The following CSRNP3 variants were observed in gnomAD, a reference collection of about 807,000 sequenced individuals.
CSRNP3 encodes cysteine/serine-rich nuclear protein 3.
A neutral mutation model predicts 48.0 loss-of-function variants in CSRNP3; 12 were observed. The ratio of observed to expected loss-of-function variants is 0.25; its 90% CI spans 0.16 to 0.41. The LOEUF (loss-of-function observed/expected upper bound fraction) is 0.41. Among genes scored for constraint, CSRNP3 ranks in the 10% least tolerant of loss-of-function variants. CSRNP3 has a pLI of 1.00. For missense variants in CSRNP3, 580 were observed against 724.4 expected (o/e 0.80, Z 2.29); for synonymous variants, 263 against 269.7 (o/e 0.98, Z 0.24).
At chr2:165,482,416 A>G (rs1003580927) in intron 1 of CSRNP3, among the ~76,000 whole-genome samples, 9 of 151,980 alleles carry the variant, frequency 5.9e-5, no homozygotes, top group African/African-American at 2.2e-4. Context: ...GGCACGCCCC[A>G]CTACGCTGGG....
intron 2 of CSRNP3, among the ~76,000 whole-genome samples, chr2:165,516,516 A>G (rs1684584635): frequency 6.6e-6 from 1 of 152,222 alleles, no homozygotes; most frequent in Non-Finnish European, 1.5e-5. Context: ...TTAATTAGCT[A>G]GAATTAACTA....
chr2:165,611,487 A>G (rs1286731230), intron 4 of CSRNP3, among the ~76,000 whole-genome samples: 2 of 152,126 alleles, frequency 1.3e-5, no homozygotes, highest in South Asian at 2.1e-4. Context: ...TAAAAATTAT[A>G]AAACCAATTT....
At chr2:165,666,652 G>T (rs185969231) in intron 5 of CSRNP3, among the ~76,000 whole-genome samples, 1 of 89,962 alleles carries the variant, frequency 1.1e-5, no homozygotes, top group East Asian at 3.6e-4. Flanking sequence ...AGACAGAGAG[G>T]AAGAAAAGAG....
intron 2 of CSRNP3, among the ~76,000 whole-genome samples, chr2:165,515,832 G>T (rs575233167): frequency 1.5e-5 from 2 of 129,156 alleles, no homozygotes; most frequent in South Asian, 2.4e-4. Flanking sequence ...TTGAGACAGG[G>T]TCTTGCTCTG....
Position 165,634,012 on chromosome 2 carries a change from C to T in CSRNP3, c.149-23749C>T, listed in dbSNP as rs375890724. On this transcript the variant is annotated intron_variant, in intron 4 of 6. Coordinates refer to ENST00000651982, the MANE Select transcript of CSRNP3 (RefSeq NM_001172173.2). The stretch of plus-strand genomic sequence containing the variant: ...ACGCTATTAAACCAATTCATTTATT[C>T]TACAAATATTTATTCATAGACTATC... 3.9e-5 allele frequency among the ~76,000 whole-genome samples: 6 copies of T among 152,292 alleles called. No homozygotes were observed. The South Asian group carries it at 1.0e-3, about 26-fold the overall frequency.
intron 1 of CSRNP3, among the ~76,000 whole-genome samples, chr2:165,477,134 C>G (rs1683972570): frequency 6.6e-6 from 1 of 151,868 alleles, no homozygotes; most frequent in Admixed American, 6.6e-5. Context: ...ATAGGACCTT[C>G]AAAATATTAA....
intron 4 of CSRNP3, among the ~76,000 whole-genome samples, chr2:165,611,363 A>G (rs889847051): frequency 4.2e-4 from 44 of 104,774 alleles, no homozygotes; most frequent in Middle Eastern, 4.6e-3. Context: ...TTCACGATAT[A>G]TGTGTGTGTG....
intron 4 of CSRNP3, 119 bp downstream of exon 4, chr2:165,595,332 A>G (rs901298949): frequency 1.4e-5 from 13 of 939,892 alleles, no homozygotes; most frequent in Middle Eastern, 2.4e-4. Flanking sequence ...CCAAATACAA[A>G]GAACACTTAC....
chr2:165,574,202 G>C (rs1020788208), intron 3 of CSRNP3: 5 of 560,546 alleles, frequency 8.9e-6, no homozygotes, highest in Non-Finnish European at 1.6e-5. Flanking sequence ...GACTGCCTGA[G>C]CCTTATGCAA....
chr2:165,677,583 T>TA (rs34615804), intron 6 of CSRNP3, among the ~76,000 whole-genome samples: 17,442 of 144,664 alleles, frequency 0.12, 1,147 homozygotes, highest in African/African-American at 0.17. Flanking sequence ...GATTCATGAG[T>TA]AAAAAAAAAA....
At chr2:165,674,485 G>A (rs919081187) in intron 5 of CSRNP3, among the ~76,000 whole-genome samples, 9 of 151,472 alleles carry the variant, frequency 5.9e-5, no homozygotes, top group African/African-American at 1.9e-4. Context: ...GGCTATCACA[G>A]TTTAAACAAT....
At chr2:165,491,103 G>A (rs1684200578) in intron 1 of CSRNP3, among the ~76,000 whole-genome samples, 5 of 110,154 alleles carry the variant, frequency 4.5e-5, no homozygotes, top group African/African-American at 1.3e-4. Flanking sequence ...AAATTTACAA[G>A]AAAAAAACAA....
intron 3 of CSRNP3, among the ~76,000 whole-genome samples, chr2:165,577,751 A>G (rs1002495977): frequency 5.9e-5 from 9 of 151,766 alleles, no homozygotes; most frequent in Admixed American, 1.3e-4. Context: ...TATTTTTAAC[A>G]TAGTTAATAA....
chr2:165,645,887 G>T (rs1189804712), intron 4 of CSRNP3, among the ~76,000 whole-genome samples: 1 of 151,322 alleles, frequency 6.6e-6, no homozygotes, highest in Non-Finnish European at 1.5e-5. Flanking sequence ...TTTTTGTTTT[G>T]TTTTGTTTTG....
intron 4 of CSRNP3, among the ~76,000 whole-genome samples, chr2:165,648,775 ATTAT>A (rs1686855970): frequency 6.6e-6 from 1 of 152,222 alleles, no homozygotes; most frequent in Non-Finnish European, 1.5e-5. Flanking sequence ...AATCATATTA[ATTAT>A]TTATGACATG....
intron 1 of CSRNP3, among the ~76,000 whole-genome samples, chr2:165,492,082 C>T (rs1478118064): frequency 2.0e-5 from 3 of 152,018 alleles, no homozygotes; most frequent in Admixed American, 2.0e-4. Flanking sequence ...TCCCCAACTC[C>T]CACCCCAAAG....
At chr2:165,531,412 A>G (rs1046759951) in intron 3 of CSRNP3, among the ~76,000 whole-genome samples, 2 of 152,178 alleles carry the variant, frequency 1.3e-5, no homozygotes, top group African/African-American at 4.8e-5. Context: ...ACACTACTCT[A>G]CACAGCTTAC....
At chr2:165,487,871 G>A (rs1253285629) in intron 1 of CSRNP3, among the ~76,000 whole-genome samples, 2 of 143,492 alleles carry the variant, frequency 1.4e-5, no homozygotes, top group Non-Finnish European at 3.0e-5. Flanking sequence ...TCGAGACTAG[G>A]AAGAAACTGC....
At chr2:165,574,212 A>C in intron 3 of CSRNP3, 1 of 585,404 alleles carries the variant, frequency 1.7e-6, no homozygotes, top group Non-Finnish European at 3.0e-6. Flanking sequence ...GCCTTATGCA[A>C]ATGAGACCAG....
Sources: gnomAD v4.1 joint callset for allele counts (sites outside exome capture counted in the v4.1 genomes callset) on GRCh38, gnomAD v4.1.1 for gene constraint, MANE v1.5 for transcripts, NCBI Gene and HGNC (gene_info 2026-07-23, HGNC 2026-07-21) for gene names.